DLG2: variants seen among roughly 807,000 people sequenced by gnomAD.
DLG2 encodes disks large homolog 2.
In DLG2, 45 loss-of-function variants were observed where a neutral mutation model predicts 132.5. That is an observed-to-expected ratio of 0.34 (90% CI 0.27 to 0.44). The LOEUF (loss-of-function observed/expected upper bound fraction) is 0.44, where lower values mean the gene tolerates loss of function less well. Among genes scored for constraint, DLG2 ranks in the 20% least tolerant of loss-of-function variants. The pLI, the probability that DLG2 is intolerant of heterozygous loss-of-function variation, is 1.00. For missense variants in DLG2, 1,045 were observed against 1,196.9 expected, an observed-to-expected ratio of 0.87 and a Z score of 1.87; for synonymous variants, 424 against 419.6, an observed-to-expected ratio of 1.01 and a Z score of -0.13.
intron 9 of DLG2, among the ~76,000 whole-genome samples, chr11:84,101,315 G>A (rs1199070938): frequency 6.6e-6 from 1 of 152,106 alleles, no homozygotes; most frequent in East Asian, 1.9e-4. Context: ...AATAAAGTTG[G>A]AACAAAGAAA....
intron 6 of DLG2, among the ~76,000 whole-genome samples, chr11:84,758,153 G>T (rs11234161): frequency 0.22 from 33,404 of 152,088 alleles, 5,568 homozygotes; most frequent in African/African-American, 0.47. Flanking sequence ...AATCTAATAA[G>T]GATTGTTTCA....
chr11:83,894,971 G>C (rs2071163689), intron 15 of DLG2, among the ~76,000 whole-genome samples: 1 of 151,820 alleles, frequency 6.6e-6, no homozygotes, highest in Non-Finnish European at 1.5e-5. Context: ...ATGACACAAT[G>C]GATTATCACT....
chr11:84,192,929 T>C (rs2096441955), intron 8 of DLG2, among the ~76,000 whole-genome samples: 1 of 152,150 alleles, frequency 6.6e-6, no homozygotes, highest in Non-Finnish European at 1.5e-5. Flanking sequence ...TATTCCCACA[T>C]GAAATCATAA....
chr11:83,690,669 C>T (rs1188338889), intron 18 of DLG2, among the ~76,000 whole-genome samples: 2 of 130,172 alleles, frequency 1.5e-5, no homozygotes, highest in African/African-American at 5.9e-5. Flanking sequence ...ACATTTCGGT[C>T]CATGCTGTGG....
intron 15 of DLG2, among the ~76,000 whole-genome samples, chr11:83,916,408 C>T (rs1029373275): frequency 6.6e-6 from 1 of 151,890 alleles, no homozygotes; most frequent in Non-Finnish European, 1.5e-5. Context: ...CTCTGCCTCT[C>T]AGGTTCAAGT....
intron 14 of DLG2, among the ~76,000 whole-genome samples, chr11:83,938,183 T>C (rs1037849828): frequency 2.6e-5 from 4 of 152,222 alleles, no homozygotes; most frequent in African/African-American, 9.7e-5. Flanking sequence ...AGGAAAATGC[T>C]TTATTTTATA....
At chr11:84,365,723 T>G (rs567615039) in intron 7 of DLG2, among the ~76,000 whole-genome samples, 7,959 of 151,338 alleles carry the variant, frequency 0.053, 702 homozygotes, top group African/African-American at 0.18. Flanking sequence ...CTTTGTTCTC[T>G]TTGGTTTCAA....
chr11:85,255,195 C>T (rs2076606696), intron 4 of DLG2, among the ~76,000 whole-genome samples: 1 of 152,034 alleles, frequency 6.6e-6, no homozygotes, highest in Non-Finnish European at 1.5e-5. Context: ...CCAACATATC[C>T]TTTAGAGGGC....
chr11:83,586,190 C>T (rs1320605674), intron 19 of DLG2, among the ~76,000 whole-genome samples: 1 of 152,136 alleles, frequency 6.6e-6, no homozygotes, highest in Non-Finnish European at 1.5e-5. Flanking sequence ...GGGCATTGCC[C>T]AGGTCAGGAG....
intron 6 of DLG2, among the ~76,000 whole-genome samples, chr11:84,911,455 A>G (rs1254297981): frequency 2.0e-5 from 3 of 151,902 alleles, no homozygotes; most frequent in Non-Finnish European, 4.4e-5. Flanking sequence ...TATCTAAACA[A>G]CAAAAAACTT....
intron 2 of DLG2, among the ~76,000 whole-genome samples, chr11:85,613,523 T>C (rs1483571505): frequency 1.3e-5 from 2 of 152,172 alleles, no homozygotes; most frequent in African/African-American, 4.8e-5. Context: ...AACTTTTCTG[T>C]ATAGCTAAAG....
intron 19 of DLG2, among the ~76,000 whole-genome samples, chr11:83,594,800 T>G (rs900659093): frequency 1.3e-5 from 2 of 152,168 alleles, no homozygotes; most frequent in Non-Finnish European, 2.9e-5. Flanking sequence ...TTGTATGGAA[T>G]TTCTCAGCAA....
rs549177576 is a variant in DLG2 at position 85,021,191 on chromosome 11, G to A, written c.357+90470C>T. ...GAATTGAAGCCAGCTTTTTCCCTTC[G>A]TGAGTTGTTTCCTGATACACACTGA... On this transcript the variant is annotated intron_variant, in intron 6 of 27. Coordinates refer to ENST00000376104, the MANE Select transcript of DLG2 (RefSeq NM_001142699.3). The A allele has an allele frequency of 1.4e-4, 141 of 1,040,762 alleles. 2 individuals are homozygous for A. In the African/African-American group the frequency reaches 1.6e-3, roughly 12 times the overall value. 64.5% of individuals were successfully genotyped at this position (1,040,762 alleles called of 1,614,324 possible).
intron 5 of DLG2, among the ~76,000 whole-genome samples, chr11:85,146,634 T>G (rs958070404): frequency 6.6e-6 from 1 of 152,140 alleles, no homozygotes; most frequent in Admixed American, 6.6e-5. Flanking sequence ...TTGTACTTTT[T>G]CTTCTGCTTT....
chr11:85,075,028 T>C (rs1306396525), intron 6 of DLG2, among the ~76,000 whole-genome samples: 1 of 151,666 alleles, frequency 6.6e-6, no homozygotes, highest in Admixed American at 6.6e-5. Context: ...GAAGAGAAAA[T>C]AGCAACAGGC....
Position 85,426,656 on chromosome 11 carries a change from A to G in DLG2, c.41-141291T>C, listed in dbSNP as rs558132185. On this transcript the variant is annotated intron_variant, in intron 3 of 27. Coordinates refer to ENST00000376104, the MANE Select transcript of DLG2 (RefSeq NM_001142699.3). ...TACCATCATCAAAGACCAAAGGTAG[A>G]TAAAACCACAAAGATGGGGAAAAAA... 1.1e-3 allele frequency among the ~76,000 whole-genome samples: 161 copies of G among 152,372 alleles called. 1 individual carries two copies. The highest frequency in any genetic ancestry group is 3.8e-3 in the African/African-American group (156 of 41,582).
chr11:84,711,498 C>T lies in DLG2; in HGVS notation c.358-176767G>A, dbSNP rs72945808. Among the ~76,000 whole-genome samples, 735 of 150,372 alleles carry T rather than the reference C, an allele frequency of 4.9e-3. 5 individuals carry two copies. The highest frequency in any genetic ancestry group is 8.8e-3 in the Non-Finnish European group (595 of 67,628). On this transcript the variant is annotated intron_variant, in intron 6 of 27. Coordinates refer to ENST00000376104, the MANE Select transcript of DLG2 (RefSeq NM_001142699.3). ...GTCAGCAGTCAGCAAGCTGGAGACC[C>T]CAGAGAGCCAACATGCAGTTCCAAT...
chr11:83,459,642 T>G lies in DLG2; in HGVS notation c.*176A>C. ...TGCAATGTCTTTTCTGTCCCACCCT[T>G]TGGCCCCTCTGTTTCCTTCATGGCT... On this transcript the variant is annotated 3_prime_UTR_variant, in exon 28 of 28. Coordinates refer to ENST00000376104, the MANE Select transcript of DLG2 (RefSeq NM_001142699.3). 1.9e-6 allele frequency: 1 copy of G among 533,388 alleles called. No individual in the cohort carries two copies. Among genetic ancestry groups the G allele is most frequent in the Non-Finnish European group, 3.4e-6 (1 of 297,944 alleles). The allele number at this position is 533,388 out of a possible 1,614,324, so 33.0% of individuals were successfully genotyped here.
chr11:84,342,995 G>A (rs764974950), intron 7 of DLG2, among the ~76,000 whole-genome samples: 4 of 152,176 alleles, frequency 2.6e-5, no homozygotes, highest in Non-Finnish European at 4.4e-5. Context: ...GCCCTGCCCT[G>A]TAGGATCTTT....
Sources: gnomAD v4.1 joint callset for allele counts (sites outside exome capture counted in the v4.1 genomes callset) on GRCh38, gnomAD v4.1.1 for gene constraint, MANE v1.5 for transcripts, NCBI Gene and HGNC (gene_info 2026-07-23, HGNC 2026-07-21) for gene names.